The following MTG1 variants were observed in gnomAD, a reference collection of about 807,000 sequenced individuals.
MTG1 encodes the protein mitochondrial ribosome associated GTPase 1, also known as mitochondrial ribosome-associated GTPase 1.
A neutral mutation model predicts 39.5 loss-of-function variants in MTG1; 30 were observed. That is an observed-to-expected ratio of 0.76 (90% confidence interval 0.57 to 1.03). MTG1 has a LOEUF of 1.03. Among genes scored for constraint, MTG1 ranks in the 50% least tolerant of loss-of-function variants. MTG1 has a pLI of 0.00. For synonymous variants in MTG1, 217 were observed against 179.0 expected, an observed-to-expected ratio of 1.21 and a Z score of -1.69; for missense variants, 513 against 447.4, an observed-to-expected ratio of 1.15 and a Z score of -1.32.
chr10:133,394,602 C>G (rs1279557480), intron 1 of MTG1: 3 of 1,300,864 alleles, frequency 2.3e-6, no homozygotes, highest in Non-Finnish European at 2.9e-6. Context: ...CTACCTCTGG[C>G]CCGCCGCCCC....
chr10:133,407,555 G>A (rs1041444423), intron 9 of MTG1, among the ~76,000 whole-genome samples: 4 of 151,354 alleles, frequency 2.6e-5, no homozygotes, highest in African/African-American at 9.7e-5. Flanking sequence ...TATTATAAAT[G>A]GGATTTTCTT....
intron 9 of MTG1, among the ~76,000 whole-genome samples, chr10:133,419,252 C>T (rs1328848240): frequency 6.6e-6 from 1 of 152,200 alleles, no homozygotes; most frequent in Non-Finnish European, 1.5e-5. Flanking sequence ...CTGGCCGTGG[C>T]CACACAGGAC....
chr10:133,401,905 T>C, intron 7 of MTG1: 1 of 577,188 alleles, frequency 1.7e-6, no homozygotes, highest in Admixed American at 3.0e-5. Context: ...CCCTTCCTTG[T>C]GTTCTCCTTG....
At chr10:133,398,672 G>C (rs959991010) in intron 4 of MTG1, among the ~76,000 whole-genome samples, 157 bp downstream of exon 4, 4 of 152,234 alleles carry the variant, frequency 2.6e-5, no homozygotes, top group African/African-American at 9.6e-5. Flanking sequence ...CCTGGGGCAA[G>C]TGGGTCTCCC....
intron 9 of MTG1, among the ~76,000 whole-genome samples, chr10:133,417,995 GA>G (rs1448317794): frequency 9.8e-5 from 15 of 152,294 alleles, no homozygotes; most frequent in Admixed American, 9.2e-4. Context: ...AGCTACCAAT[GA>G]CTTTCTTTTT....
intron 9 of MTG1, among the ~76,000 whole-genome samples, chr10:133,404,559 A>G (rs991665767): frequency 1.3e-5 from 2 of 152,130 alleles, no homozygotes; most frequent in South Asian, 4.1e-4. Flanking sequence ...GTTAATTTTC[A>G]TGCAGTCCAG....
rs770349628 is a variant in MTG1, at chr10:133,395,714, G to A, written c.114G>A (p.Gly38=). ...ARWFPGHMAK[G]LKKMQSSLKL... ...CTGAGGCGTCCTTCTGTTTTCCAGG[G>A]CTGAAGAAGATGCAGAGCAGCCTGA... is the stretch of plus-strand genomic sequence containing the variant. The change falls in exon 2 of 11, where the codon GGG becomes GGA. Residue 38 remains glycine, a splice_region_variant and synonymous_variant. Coordinates refer to ENST00000317502, the MANE Select transcript of MTG1 (RefSeq NM_138384.4). The A allele has an allele frequency of 1.9e-6, 3 of 1,613,994 alleles. No individual in the cohort carries two copies. Among genetic ancestry groups the A allele is most frequent in the Admixed American group, 3.3e-5 (2 of 60,010 alleles).
At chr10:133,411,356 C>T (rs1850043579) in intron 9 of MTG1, among the ~76,000 whole-genome samples, 1 of 152,130 alleles carries the variant, frequency 6.6e-6, no homozygotes, top group East Asian at 1.9e-4. Context: ...GTACTACTTA[C>T]TGCTTGTAGG....
At chr10:133,416,564 C>G in intron 9 of MTG1, among the ~76,000 whole-genome samples, 1 of 113,406 alleles carries the variant, frequency 8.8e-6, no homozygotes, top group South Asian at 3.7e-4. Context: ...TCCCCCCACC[C>G]CACAACAGTC....
chr10:133,418,052 A>T (rs549692630), intron 9 of MTG1, among the ~76,000 whole-genome samples: 2 of 152,144 alleles, frequency 1.3e-5, no homozygotes, highest in Non-Finnish European at 2.9e-5. Flanking sequence ...CAGCCAGGCT[A>T]CAGTGCAGTG....
chr10:133,402,391 G>A lies in MTG1; in HGVS notation c.670+146G>A. On this transcript the variant is annotated intron_variant, in intron 8 of 10. Coordinates refer to ENST00000317502, the MANE Select transcript of MTG1 (RefSeq NM_138384.4). The surrounding 1 kb of genome is among the most constrained non-coding windows in gnomAD (Gnocchi z 4.7). ...TGCCAGACCTTCCTCGAAGCTTAGT[G>A]TGAGAGCTGTAATAGTGCACAGCTG... 3 of 920,362 alleles carry A rather than the reference G, an allele frequency of 3.3e-6. No homozygotes were observed. Among genetic ancestry groups the A allele is most frequent in the Non-Finnish European group, 5.1e-6 (3 of 592,456 alleles). The allele number at this position is 920,362 out of a possible 1,614,324, so 57.0% of individuals were successfully genotyped here. A position where few individuals can be genotyped will look rare whatever the true frequency, so the allele number is the denominator to read the frequency against.
At chr10:133,398,245 C>A (rs960832639) in intron 3 of MTG1, among the ~76,000 whole-genome samples, 190 bp from the exon 4 acceptor site, 1 of 152,114 alleles carries the variant, frequency 6.6e-6, no homozygotes, top group African/African-American at 2.4e-5. Flanking sequence ...CCAGTGAATT[C>A]AAAAATTATC....
chr10:133,420,150 T>C lies in MTG1; in HGVS notation c.990T>C (p.Ala330=), dbSNP rs753122502. The C allele has an allele frequency of 1.2e-6, 2 of 1,611,398 alleles. No individual in the cohort carries two copies. Among genetic ancestry groups the C allele is most frequent in the Non-Finnish European group, 1.7e-6 (2 of 1,178,878 alleles). The change falls in exon 11 of 11, where the codon GCT becomes GCC. Residue 330 remains alanine, a synonymous_variant. Transcript: ENST00000317502. The stretch of plus-strand genomic sequence containing the variant: ...ACGTCCTGCGGGGCCACCCCCCGGC[T>C]GAGACTTTGCCCTGAACTTGTCCGG... ...DLDVLRGHPP[A]ETLP
rs1300055867 is a variant in MTG1 at position 133,402,225 on chromosome 10, G to A, written c.650G>A (p.Gly217Asp). The A allele has an allele frequency of 6.2e-7, 1 of 1,613,408 alleles. No individual in the cohort carries two copies. The highest frequency in any genetic ancestry group is 1.3e-5 in the African/African-American group (1 of 74,654). Residue 217 changes from glycine (G) to aspartate (D), a missense_variant, in exon 8 of 11, where the codon GGC becomes GAC. Transcript: ENST00000317502. The surrounding 1 kb of genome is among the most constrained non-coding windows in gnomAD (Gnocchi z 4.7). Reference protein sequence around the residue: ...LAPRIESVETGLKLALCGTVL... With the variant: ...LAPRIESVETDLKLALCGTVL... ...CCTCGGATTGAAAGTGTGGAGACAGGCCTGAAGCTGGCCCTGTGTGGTGAG... is the reference window on the plus strand; with the variant it reads ...CCTCGGATTGAAAGTGTGGAGACAGACCTGAAGCTGGCCCTGTGTGGTGAG...
rs763791088 is a variant in MTG1, at chr10:133,394,381, T to C, written c.112+49T>C. ...AGGTCATGCCTACGGCCGCGGCGCCTCTGCTTCCCTCCCACCCCGGTTTCG... is the reference window on the plus strand; with the variant it reads ...AGGTCATGCCTACGGCCGCGGCGCCCCTGCTTCCCTCCCACCCCGGTTTCG... On this transcript the variant is annotated intron_variant, in intron 1 of 10. Transcript: ENST00000317502. The C allele has an allele frequency of 2.1e-6, 3 of 1,401,000 alleles. No homozygotes were observed. In the South Asian group the frequency reaches 4.3e-5, roughly 20 times the overall value. The allele number at this position is 1,401,000 out of a possible 1,614,324, so 86.8% of individuals were successfully genotyped here. A position where few individuals can be genotyped will look rare whatever the true frequency, so the allele number is the denominator to read the frequency against.
intron 6 of MTG1, among the ~76,000 whole-genome samples, chr10:133,400,656 A>T (rs997675258): frequency 2.0e-5 from 3 of 152,200 alleles, no homozygotes; most frequent in Admixed American, 6.5e-5. Flanking sequence ...ATTATTTTTT[A>T]TCAGTGGTAT....
chr10:133,421,649 G>T lies in MTG1; in HGVS notation c.*1484G>T, dbSNP rs890208161. 18 of 153,056 alleles carry T rather than the reference G, an allele frequency of 1.2e-4. No homozygotes were observed. The highest frequency in any genetic ancestry group is 4.3e-4 in the African/African-American group (18 of 41,460). The allele number at this position is 153,056 out of a possible 1,614,324, so 9.5% of individuals were successfully genotyped here. On this transcript the variant is annotated 3_prime_UTR_variant, in exon 11 of 11. Coordinates refer to ENST00000317502, the MANE Select transcript of MTG1 (RefSeq NM_138384.4). Reference sequence around the variant, plus strand: ...CAGTGTGGACGGGAGGCTGCAGGGCGCTGCCTCCTGTGGCTTAGTGCCCTG... The same window carrying T: ...CAGTGTGGACGGGAGGCTGCAGGGCTCTGCCTCCTGTGGCTTAGTGCCCTG...
At chr10:133,419,235 C>CG (rs1372839623) in intron 9 of MTG1, among the ~76,000 whole-genome samples, 1 of 152,200 alleles carries the variant, frequency 6.6e-6, no homozygotes, top group Non-Finnish European at 1.5e-5. Context: ...AGCCGCCCCC[C>CG]ATGCTGCTGG....
intron 9 of MTG1, among the ~76,000 whole-genome samples, chr10:133,410,683 G>A (rs1451025873): frequency 6.6e-6 from 1 of 152,182 alleles, no homozygotes; most frequent in Non-Finnish European, 1.5e-5. Context: ...GAGATAGGAG[G>A]ATTGCTGGAG....
Sources: allele counts gnomAD v4.1 joint callset (sites outside exome capture counted in the v4.1 genomes callset), GRCh38; gene constraint gnomAD v4.1.1; non-coding constraint Gnocchi (gnomAD v3.1); transcripts MANE v1.5; gene names NCBI Gene and HGNC (gene_info 2026-07-23, HGNC 2026-07-21).